ERO1B: variants seen among roughly 807,000 people sequenced by gnomAD.
ERO1B encodes the protein ERO1-like protein beta.
A neutral mutation model predicts 75.3 loss-of-function variants in ERO1B; 49 were observed. That is an observed-to-expected ratio of 0.65 (90% CI 0.52 to 0.83). The LOEUF (loss-of-function observed/expected upper bound fraction) is 0.83, where lower values mean the gene tolerates loss of function less well. ERO1B is among the 40% of genes least tolerant of loss of function. The pLI is 0.00. For missense variants in ERO1B, 512 were observed against 560.1 expected, an observed-to-expected ratio of 0.91 and a Z score of 0.87; for synonymous variants, 191 against 192.9, an observed-to-expected ratio of 0.99 and a Z score of 0.08.
At chr1:236,271,810 G>T (rs6663274) in intron 1 of ERO1B, among the ~76,000 whole-genome samples, 9,739 of 151,954 alleles carry the variant, frequency 0.064, 1,021 homozygotes, top group African/African-American at 0.22. Flanking sequence ...TGGTAATGCA[G>T]CCCTAAACAA....
chr1:236,217,079 G>T lies in ERO1B; in HGVS notation c.*1437C>A, dbSNP rs1346795451. The T allele has an allele frequency of 1.3e-5, 2 of 151,832 alleles. No homozygotes were observed. The highest frequency in any genetic ancestry group is 2.4e-5 in the African/African-American group (1 of 41,358). 9.4% of individuals were successfully genotyped at this position (151,832 alleles called of 1,614,324 possible). A position where few individuals can be genotyped will look rare whatever the true frequency, so the allele number is the denominator to read the frequency against. The stretch of plus-strand genomic sequence containing the variant: ...ATGGCTAAGTATTTTTAAGAGGGGT[G>T]AGCCAAGCCAACTAAATACAATTTT... On this transcript the variant is annotated 3_prime_UTR_variant, in exon 16 of 16. Transcript: ENST00000354619.
rs780402765 is a variant in ERO1B, at chr1:236,218,534, T to TA, written c.1385dup (p.Leu462PhefsTer6). Reference sequence around the variant, plus strand: ...GCCTTTATTACCTACTGTGTTGTAATAAGACTTTAAAATTCTGTAAGTCTC... The same window carrying TA: ...GCCTTTATTACCTACTGTGTTGTAATAAAGACTTTAAAATTCTGTAAGTCTC... On this transcript the variant is annotated frameshift_variant, in exon 16 of 16. Transcript: ENST00000354619. LOFTEE classifies it high-confidence loss of function. The TA allele has an allele frequency of 5.1e-5, 72 of 1,417,102 alleles. No individual in the cohort carries two copies. Among genetic ancestry groups the TA allele is most frequent in the Non-Finnish European group, 6.7e-5 (72 of 1,076,698 alleles). The allele number at this position is 1,417,102 out of a possible 1,614,324, so 87.8% of individuals were successfully genotyped here.
At chr1:236,250,572 CATATATATATATATAT>C (rs1171832762) in intron 4 of ERO1B, among the ~76,000 whole-genome samples, 126 of 86,416 alleles carry the variant, frequency 1.5e-3, no homozygotes, top group East Asian at 1.8e-3. Flanking sequence ...TAAATTTGAC[CATATATATATATATAT>C]ATATATATAT....
intron 10 of ERO1B, among the ~76,000 whole-genome samples, chr1:236,227,604 A>T (rs141773022): frequency 2.2e-4 from 33 of 152,336 alleles, no homozygotes; most frequent in African/African-American, 7.7e-4. Flanking sequence ...CCTTCATCCA[A>T]CAGGTTTTTA....
At chr1:236,264,861 G>T (rs1401991006) in intron 2 of ERO1B, among the ~76,000 whole-genome samples, 2 of 151,868 alleles carry the variant, frequency 1.3e-5, no homozygotes, top group Admixed American at 1.3e-4. Context: ...AAAGAAGGGT[G>T]GGAGGGGAGT....
chr1:236,259,586 C>A (rs1665244872), intron 2 of ERO1B, among the ~76,000 whole-genome samples: 1 of 152,060 alleles, frequency 6.6e-6, no homozygotes, highest in Non-Finnish European at 1.5e-5. Context: ...GCAGGGGTAG[C>A]TATCCATATG....
chr1:236,272,546 G>C (rs1307136155), intron 1 of ERO1B, among the ~76,000 whole-genome samples: 1 of 151,920 alleles, frequency 6.6e-6, no homozygotes, highest in Non-Finnish European at 1.5e-5. Context: ...ACAACACTGG[G>C]GACCCCAAAA....
Position 236,215,705 on chromosome 1 carries a change from A to G in ERO1B, c.*2811T>C, listed in dbSNP as rs1180107022. On this transcript the variant is annotated 3_prime_UTR_variant, in exon 16 of 16. Coordinates refer to ENST00000354619, the MANE Select transcript of ERO1B (RefSeq NM_019891.4). ...ATTTGTGTGTGTGTTTTTTTACCAA[A>G]TAATTTCCACGATACCATGCACCTA... 2.0e-5 allele frequency: 3 copies of G among 151,066 alleles called. No homozygotes were observed. Among genetic ancestry groups the G allele is most frequent in the Non-Finnish European group, 3.0e-5 (2 of 67,764 alleles). 9.4% of individuals were successfully genotyped at this position (151,066 alleles called of 1,614,324 possible). A position where few individuals can be genotyped will look rare whatever the true frequency, so the allele number is the denominator to read the frequency against.
chr1:236,281,703 C>T lies in ERO1B; in HGVS notation c.81G>A (p.Leu27=), dbSNP rs113844099. 1.3e-6 allele frequency: 2 copies of T among 1,496,218 alleles called. No individual in the cohort carries two copies. The highest frequency in any genetic ancestry group is 2.7e-5 in the East Asian group (1 of 37,648). 92.7% of individuals were successfully genotyped at this position (1,496,218 alleles called of 1,614,324 possible). A position where few individuals can be genotyped will look rare whatever the true frequency, so the allele number is the denominator to read the frequency against. ...AVQLLVTLSF[L]RSVVEAQVTG... is the part of the protein sequence containing the mutation. The stretch of plus-strand genomic sequence containing the variant: ...TTACCTGCGCCTCGACGACGCTCCG[C>T]AGGAAGCTCAGGGTGACCAGCAGCT... Residue 27 remains leucine (L), a synonymous_variant, in exon 1 of 16, where the codon CTG becomes CTA. Coordinates refer to ENST00000354619, the MANE Select transcript of ERO1B (RefSeq NM_019891.4).
chr1:236,267,550 T>G (rs1240106757), intron 2 of ERO1B, among the ~76,000 whole-genome samples: 2 of 152,198 alleles, frequency 1.3e-5, no homozygotes. Context: ...TATGTAGAGA[T>G]GTGAACTGGA....
intron 2 of ERO1B, among the ~76,000 whole-genome samples, chr1:236,256,331 G>T (rs990819265): frequency 6.6e-6 from 1 of 152,032 alleles, no homozygotes; most frequent in Non-Finnish European, 1.5e-5. Context: ...AGACCAAAAG[G>T]TTACTCCTGC....
In ERO1B at chr1:236,252,090, C is replaced by G; in HGVS notation, c.308G>C (p.Ser103Thr). 6.3e-7 allele frequency: 1 copy of G among 1,597,328 alleles called. No homozygotes were observed. The highest frequency in any genetic ancestry group is 8.6e-7 in the Non-Finnish European group (1 of 1,169,560). Residue 103 changes from serine (S) to threonine (T), a missense_variant and splice_region_variant, in exon 4 of 16, where the codon AGT becomes ACT. By Grantham distance (58) the Ser-to-Thr change is moderately conservative (BLOSUM62 1). Transcript: ENST00000354619. Reference sequence around the variant, plus strand: ...AGCTTTTATTCCAACCGGAATTTTACTCTTAAAAAAACAAGAAAAGCAAAA... The same window carrying G: ...AGCTTTTATTCCAACCGGAATTTTAGTCTTAAAAAAACAAGAAAAGCAAAA... The part of the protein sequence containing the change: ...KDCHVEPCPE[S>T]KIPVGIKAGH...
Position 236,281,805 on chromosome 1 carries a change from G to T in ERO1B, c.-22C>A. ...TCATGCTGACCTCTACCCACACCGCGGCCAGCCGGACCCCTCGGGGCCGGG... is the reference window on the plus strand; with the variant it reads ...TCATGCTGACCTCTACCCACACCGCTGCCAGCCGGACCCCTCGGGGCCGGG... On this transcript the variant is annotated 5_prime_UTR_variant, in exon 1 of 16. Coordinates refer to ENST00000354619, the MANE Select transcript of ERO1B (RefSeq NM_019891.4). The T allele has an allele frequency of 7.1e-7, 1 of 1,409,672 alleles. No homozygotes were observed. The highest frequency in any genetic ancestry group is 9.3e-7 in the Non-Finnish European group (1 of 1,072,036). 87.3% of individuals were successfully genotyped at this position (1,409,672 alleles called of 1,614,324 possible).
chr1:236,238,067 C>A (rs1664586804), intron 6 of ERO1B, among the ~76,000 whole-genome samples: 1 of 152,142 alleles, frequency 6.6e-6, no homozygotes, highest in African/African-American at 2.4e-5. Context: ...TCTCAAACTC[C>A]TGATCTCAGG....
intron 1 of ERO1B, among the ~76,000 whole-genome samples, chr1:236,273,042 T>C (rs1338791819): frequency 1.3e-5 from 2 of 152,054 alleles, no homozygotes; most frequent in African/African-American, 4.8e-5. Context: ...AATAAGCAAA[T>C]ATATTATTTT....
At chr1:236,279,504 C>A (rs866418948) in intron 1 of ERO1B, among the ~76,000 whole-genome samples, 98 of 78,506 alleles carry the variant, frequency 1.2e-3, no homozygotes, top group South Asian at 2.4e-3. Flanking sequence ...GACTCCATCT[C>A]AAAAAAAAAA....
chr1:236,273,095 T>C (rs1258365486), intron 1 of ERO1B, among the ~76,000 whole-genome samples: 2 of 152,160 alleles, frequency 1.3e-5, no homozygotes, highest in East Asian at 3.8e-4. Context: ...AATTTGAGGA[T>C]CTTGAGATGG....
At chr1:236,281,130 A>T (rs539283550) in intron 1 of ERO1B, among the ~76,000 whole-genome samples, 28 of 152,320 alleles carry the variant, frequency 1.8e-4, no homozygotes, top group Admixed American at 6.5e-4. Flanking sequence ...AAATAAAGCA[A>T]TCTTGAGCAA....
At chr1:236,248,337 G>A (rs1433459316) in intron 5 of ERO1B, among the ~76,000 whole-genome samples, 1 of 152,174 alleles carries the variant, frequency 6.6e-6, no homozygotes, top group Non-Finnish European at 1.5e-5. Context: ...ACTGGAGTCA[G>A]TATATATTCA....
Sources: allele counts gnomAD v4.1 joint callset (sites outside exome capture counted in the v4.1 genomes callset), GRCh38; gene constraint gnomAD v4.1.1; transcripts MANE v1.5; gene names NCBI Gene and HGNC (gene_info 2026-07-23, HGNC 2026-07-21).